Variants in DUS3L observed in about 807,000 individuals in gnomAD.
DUS3L encodes the protein dihydrouridine synthase 3 like.
A neutral mutation model predicts 74.6 loss-of-function variants in DUS3L; 62 were observed. The ratio of observed to expected loss-of-function variants is 0.83; its 90% CI spans 0.68 to 1.03. The LOEUF is 1.03. Among genes scored for constraint, DUS3L ranks in the 50% least tolerant of loss-of-function variants. The probability of loss-of-function intolerance (pLI) is 0.00; values close to 1 mark genes in which losing one functional copy is unlikely to be tolerated. For synonymous variants in DUS3L, 433 were observed against 395.7 expected (o/e 1.09, Z -1.12); for missense variants, 884 against 924.4 (o/e 0.96, Z 0.57).
In DUS3L at chr19:5,787,081, A is replaced by G; in HGVS notation, c.1369T>C (p.Trp457Arg). 2 of 1,536,470 alleles carry G rather than the reference A, an allele frequency of 1.3e-6. No homozygotes were observed. The highest frequency in any genetic ancestry group is 1.7e-6 in the Non-Finnish European group (2 of 1,149,290). ...CCCACCGTGACGAGTGCCACGCCCC[A>G]GTCCCGCAGCTCGGGCAGCAGGCGG... Reference protein sequence around the residue: ...AHRLLPELRDWGVALVTLHGR... With the variant: ...AHRLLPELRDRGVALVTLHGR... The change falls in exon 8 of 13, where the codon TGG (tryptophan) becomes CGG (arginine). Residue 457 changes from tryptophan (W) to arginine (R), a missense_variant. Coordinates refer to ENST00000309061, the MANE Select transcript of DUS3L (RefSeq NM_020175.3).
rs1489999976 is a variant in DUS3L, at chr19:5,787,051, C to T, written c.1389+10G>A. ...CGAGGCCCCAATGCCCGAGGCGTCC[C>T]AAGACCCACCGTGACGAGTGCCACG... is the stretch of plus-strand genomic sequence containing the variant. On this transcript the variant is annotated intron_variant, in intron 8 of 12. Transcript: ENST00000309061. 6.5e-7 allele frequency: 1 copy of T among 1,538,530 alleles called. No individual in the cohort carries two copies. The highest frequency in any genetic ancestry group is 8.7e-7 in the Non-Finnish European group (1 of 1,148,690).
chr19:5,790,951 A>G (rs1042255212), intron 1 of DUS3L, 93 bp downstream of exon 1: 43 of 1,290,098 alleles, frequency 3.3e-5, no homozygotes, highest in Non-Finnish European at 4.2e-5. Context: ...TCTCGCCCTC[A>G]GCCGCTGCCT....
intron 1 of DUS3L, 122 bp downstream of exon 1, chr19:5,790,922 G>A: frequency 1.0e-6 from 1 of 973,796 alleles, no homozygotes; most frequent in Non-Finnish European, 1.5e-6. Context: ...GAACGGCCCG[G>A]AATGAAGAGC....
At chr19:5,789,115 G>C in intron 3 of DUS3L, 92 bp downstream of exon 3, 1 of 1,475,344 alleles carries the variant, frequency 6.8e-7, no homozygotes. Flanking sequence ...CTGACTCCCA[G>C]GCAGCTAGAA....
chr19:5,786,583 G>A (rs760072001), intron 9 of DUS3L, 41 bp from the exon 10 acceptor site: 2 of 1,605,492 alleles, frequency 1.2e-6, no homozygotes, highest in South Asian at 2.2e-5. Flanking sequence ...GACATGGGCA[G>A]GTGGGACCCT....
chr19:5,791,103 A>G lies in DUS3L; in HGVS notation c.39T>C (p.Gly13=), dbSNP rs1273106251. The part of the protein sequence containing the change: ...EGTAEAPLEN[G]GGGDSGAGAL... The stretch of plus-strand genomic sequence containing the variant: ...CTCCGGCTCCCGAGTCGCCACCACC[A>G]CCATTCTCTAGAGGAGCCTCCGCCG... The change falls in exon 1 of 13, where the codon GGT becomes GGC. Residue 13 remains glycine (G), a synonymous_variant. Coordinates refer to ENST00000309061, the MANE Select transcript of DUS3L (RefSeq NM_020175.3). The G allele has an allele frequency of 6.2e-7, 1 of 1,608,352 alleles. No individual in the cohort carries two copies. Among genetic ancestry groups the G allele is most frequent in the Non-Finnish European group, 8.5e-7 (1 of 1,177,944 alleles).
chr19:5,790,987 C>G (rs1231537128), intron 1 of DUS3L, 57 bp downstream of exon 1: 1 of 1,515,992 alleles, frequency 6.6e-7, no homozygotes, highest in Admixed American at 2.0e-5. Flanking sequence ...ACAGCTCGGA[C>G]CGCGCTATGG....
Position 5,785,472 on chromosome 19 carries a change from C to A in DUS3L, c.1791G>T (p.Arg597Ser). ...PVGLLERLPQRINERPPYYLG... is the reference protein window; with the variant it reads ...PVGLLERLPQSINERPPYYLG... Reference sequence around the variant, plus strand: ...GGTAGTAGGGCGGCCGCTCGTTGATCCTCTGTGGGAGCCGCTCCAGCAGCC... The same window carrying A: ...GGTAGTAGGGCGGCCGCTCGTTGATACTCTGTGGGAGCCGCTCCAGCAGCC... Residue 597 changes from arginine to serine, a missense_variant, in exon 12 of 13, where the codon AGG (arginine) becomes AGT (serine). Arg to Ser is a moderately radical substitution (Grantham distance 110). Coordinates refer to ENST00000309061, the MANE Select transcript of DUS3L (RefSeq NM_020175.3). 1 of 1,581,998 alleles carries A rather than the reference C, an allele frequency of 6.3e-7. No homozygotes were observed. The highest frequency in any genetic ancestry group is 1.3e-5 in the African/African-American group (1 of 74,444).
At chr19:5,786,105 C>G (rs1030403172) in intron 10 of DUS3L, 13 of 472,172 alleles carry the variant, frequency 2.8e-5, no homozygotes, top group African/African-American at 2.6e-4. Context: ...GCGTGTACCA[C>G]TACACCTGGC....
At chr19:5,786,279 G>A (rs996020357) in intron 10 of DUS3L, among the ~76,000 whole-genome samples, 188 bp downstream of exon 10, 1 of 152,140 alleles carries the variant, frequency 6.6e-6, no homozygotes, top group African/African-American at 2.4e-5. Flanking sequence ...ACAATCATCA[G>A]ATCCCACAGC....
At position 5,787,788 on chromosome 19, in the gene DUS3L, G is replaced by T. The variant is rs1266978504; in HGVS notation, c.1096-83C>A. On this transcript the variant is annotated intron_variant, in intron 5 of 12. Transcript: ENST00000309061. The stretch of plus-strand genomic sequence containing the variant: ...TTGGCCGTTCCCTCCCCACTGGGGG[G>T]CCCTGAGCCAGTGGCCTCCTCTCTC... 5.5e-5 allele frequency: 83 copies of T among 1,518,124 alleles called. 1 individual carries two copies. The South Asian group carries it at 7.9e-4, about 14-fold the overall frequency. The allele number at this position is 1,518,124 out of a possible 1,614,324, so 94.0% of individuals were successfully genotyped here. A position where few individuals can be genotyped will look rare whatever the true frequency, so the allele number is the denominator to read the frequency against.
intron 1 of DUS3L, 55 bp from the exon 2 acceptor site, chr19:5,790,390 G>A (rs1204405109): frequency 3.8e-5 from 61 of 1,601,726 alleles, no homozygotes; most frequent in Non-Finnish European, 5.1e-5. Context: ...AAACACTGGG[G>A]AAAGGAGGCT....
At chr19:5,788,249 T>C (rs1050044757) in intron 4 of DUS3L, 73 bp from the exon 5 acceptor site, 1 of 1,609,596 alleles carries the variant, frequency 6.2e-7, no homozygotes, top group Admixed American at 1.7e-5. Context: ...GAACCCTGAA[T>C]ATGCGCCCCA....
In DUS3L at chr19:5,789,624, G is replaced by A; in HGVS notation, c.483C>T (p.Arg161=). ...GGCCGAAGGTCTCGAAGAGCACGCA[G>A]CGGGGGCCCAGGTCGGCCGGCTTGG... ...LETKPADLGP[R]CVLFETFGRC... The change falls in exon 3 of 13, where the codon CGC becomes CGT. Residue 161 remains arginine, a synonymous_variant. Transcript: ENST00000309061. 1.2e-6 allele frequency: 2 copies of A among 1,601,518 alleles called. No homozygotes were observed. The highest frequency in any genetic ancestry group is 1.1e-5 in the South Asian group (1 of 89,150).
chr19:5,790,678 C>A, intron 1 of DUS3L: 1 of 538,400 alleles, frequency 1.9e-6, no homozygotes, highest in Non-Finnish European at 3.3e-6. Flanking sequence ...TCAAACACCG[C>A]AGGCCCCAGC....
intron 3 of DUS3L, 182 bp downstream of exon 3, chr19:5,789,025 C>T (rs1599621867): frequency 2.5e-6 from 2 of 790,024 alleles, no homozygotes; most frequent in Non-Finnish European, 3.4e-6. Flanking sequence ...CTCTTTCTGT[C>T]CCCACCTCCT....
At chr19:5,786,678 G>A in intron 9 of DUS3L, 71 bp downstream of exon 9, 1 of 1,578,586 alleles carries the variant, frequency 6.3e-7, no homozygotes, top group South Asian at 1.2e-5. Context: ...CAAGTGGGAA[G>A]GCGAACAGCC....
chr19:5,789,339 C>G lies in DUS3L; in HGVS notation c.768G>C (p.Arg256Ser). ...CCTGCTGGGCACCACAGTTTTCCTG[C>G]CTGGGAGCGCCCTCGGCTGCCGTGC... ...PEGTAAEGAP[R>S]QENCGAQQVP... The change falls in exon 3 of 13, where the codon AGG becomes AGC. Residue 256 changes from arginine (R) to serine (S), a missense_variant. Physicochemically the swap from Arg to Ser is moderately radical, Grantham distance 110. Transcript: ENST00000309061. 1 of 1,603,252 alleles carries G rather than the reference C, an allele frequency of 6.2e-7. No individual in the cohort carries two copies. Among genetic ancestry groups the G allele is most frequent in the Non-Finnish European group, 8.5e-7 (1 of 1,175,826 alleles).
In DUS3L at chr19:5,789,301, G is replaced by T; in HGVS notation, c.806C>A (p.Pro269Gln). The T allele has an allele frequency of 6.2e-7, 1 of 1,600,962 alleles. No homozygotes were observed. The change falls in exon 3 of 13, where the codon CCG becomes CAG. Residue 269 changes from proline to glutamine, a missense_variant. Coordinates refer to ENST00000309061, the MANE Select transcript of DUS3L (RefSeq NM_020175.3). The stretch of plus-strand genomic sequence containing the variant: ...GCTGCTGGGAGGGGTGCTAGTGCCC[G>T]GCCCTGCGGGGACCTGCTGGGCACC... Reference protein sequence around the residue: ...NCGAQQVPAGPGTSTPPSSPV... With the variant: ...NCGAQQVPAGQGTSTPPSSPV...
Sources: gnomAD v4.1 joint callset for allele counts (sites outside exome capture counted in the v4.1 genomes callset) on GRCh38, gnomAD v4.1.1 for gene constraint, MANE v1.5 for transcripts, NCBI Gene and HGNC (gene_info 2026-07-23, HGNC 2026-07-21) for gene names.